Variants in TACR3 observed in about 807,000 individuals in gnomAD.
The protein encoded by TACR3 is tachykinin receptor 3, also known as neuromedin-K receptor.
A neutral mutation model predicts 35.0 loss-of-function variants in TACR3; 34 were observed. The ratio of observed to expected loss-of-function variants is 0.97; its 90% CI spans 0.74 to 1.30. The LOEUF (loss-of-function observed/expected upper bound fraction) is 1.30, where lower values mean the gene tolerates loss of function less well. TACR3 is among the 50% of genes most tolerant of loss of function. The pLI is 0.00. For missense variants in TACR3, 558 were observed against 591.7 expected (o/e 0.94, Z 0.59); for synonymous variants, 233 against 221.1 (o/e 1.05, Z -0.48).
rs527436704 is a variant in TACR3, at chr4:103,709,923, T to A, written c.548+9205A>T. On this transcript the variant is annotated intron_variant, in intron 1 of 4. Coordinates refer to ENST00000304883, the MANE Select transcript of TACR3 (RefSeq NM_001059.3). Reference sequence around the variant, plus strand: ...AAAAGTGACAAAGAAGGCCATTACATAATGGTAAAGGGATCAATTCAACAA... The same window carrying A: ...AAAAGTGACAAAGAAGGCCATTACAAAATGGTAAAGGGATCAATTCAACAA... Among the ~76,000 whole-genome samples, 24 of 152,264 alleles carry A rather than the reference T, an allele frequency of 1.6e-4. No individual in the cohort carries two copies. The South Asian group carries it at 4.8e-3, about 30-fold the overall frequency.
intron 1 of TACR3, among the ~76,000 whole-genome samples, chr4:103,711,384 AC>A (rs1453037298): frequency 6.6e-6 from 1 of 152,212 alleles, no homozygotes; most frequent in East Asian, 1.9e-4. Context: ...AGAACCAATG[AC>A]AAAAAGCACA....
chr4:103,710,663 G>C (rs149493416), intron 1 of TACR3, among the ~76,000 whole-genome samples: 6,157 of 152,116 alleles, frequency 0.04, 409 homozygotes, highest in African/African-American at 0.14. Flanking sequence ...GAAGGAGATA[G>C]AGACACAAAA....
chr4:103,654,380 A>T (rs150863310), intron 3 of TACR3, among the ~76,000 whole-genome samples: 15 of 148,972 alleles, frequency 1.0e-4, no homozygotes, highest in African/African-American at 2.8e-4. Flanking sequence ...AAAAATGATG[A>T]GTTCATGTCC....
intron 1 of TACR3, among the ~76,000 whole-genome samples, chr4:103,704,597 G>A (rs568139317): frequency 3.3e-5 from 5 of 152,246 alleles, no homozygotes; most frequent in South Asian, 2.1e-4. Flanking sequence ...CAGATCCCAC[G>A]AGAACTCACT....
At chr4:103,677,712 G>A (rs74514758) in intron 1 of TACR3, among the ~76,000 whole-genome samples, 23,410 of 152,014 alleles carry the variant, frequency 0.15, 2,358 homozygotes, top group East Asian at 0.43. Context: ...TTGGAGTGTG[G>A]AGGGTGGGAG....
At chr4:103,689,099 A>T (rs1196724233) in intron 1 of TACR3, among the ~76,000 whole-genome samples, 1 of 151,768 alleles carries the variant, frequency 6.6e-6, no homozygotes, top group Non-Finnish European at 1.5e-5. Context: ...TGTCCTTTGT[A>T]GGGACATGGA....
intron 2 of TACR3, among the ~76,000 whole-genome samples, chr4:103,657,827 A>G (rs1183320430): frequency 1.3e-5 from 2 of 152,132 alleles, no homozygotes; most frequent in African/African-American, 4.8e-5. Flanking sequence ...ATAACCTACT[A>G]GGGTGCTCCT....
At chr4:103,703,883 G>A (rs1186851574) in intron 1 of TACR3, among the ~76,000 whole-genome samples, 3 of 151,908 alleles carry the variant, frequency 2.0e-5, no homozygotes, top group South Asian at 2.1e-4. Flanking sequence ...GGCGGATCAC[G>A]AGGTCAGGAG....
chr4:103,649,665 A>G (rs888877249), intron 3 of TACR3, among the ~76,000 whole-genome samples: 1 of 151,848 alleles, frequency 6.6e-6, no homozygotes, highest in Non-Finnish European at 1.5e-5. Flanking sequence ...GTATTTTTCA[A>G]CTCCAGCAAT....
intron 1 of TACR3, 146 bp downstream of exon 1, chr4:103,718,982 G>T: frequency 9.0e-7 from 1 of 1,110,242 alleles, no homozygotes. Context: ...CTACAAATGG[G>T]TTAGTGTCCT....
intron 3 of TACR3, among the ~76,000 whole-genome samples, chr4:103,614,052 G>A (rs776295775): frequency 6.6e-6 from 1 of 152,102 alleles, no homozygotes; most frequent in Non-Finnish European, 1.5e-5. Context: ...CGGTTATAAT[G>A]GGTGTTATGG....
chr4:103,707,249 A>G (rs1553912666), intron 1 of TACR3, among the ~76,000 whole-genome samples: 1 of 152,198 alleles, frequency 6.6e-6, no homozygotes, highest in Non-Finnish European at 1.5e-5. Context: ...GAGAGTGTAA[A>G]CAATATTACT....
At chr4:103,623,931 G>T (rs1458956999) in intron 3 of TACR3, among the ~76,000 whole-genome samples, 1 of 152,060 alleles carries the variant, frequency 6.6e-6, no homozygotes, top group Non-Finnish European at 1.5e-5. Context: ...GTTCTCCAGG[G>T]TATTTTGTTT....
chr4:103,638,947 C>T (rs1240710331), intron 3 of TACR3, among the ~76,000 whole-genome samples: 2 of 152,102 alleles, frequency 1.3e-5, no homozygotes, highest in African/African-American at 2.4e-5. Flanking sequence ...ACTACAGGTG[C>T]TGGAGAGGAT....
chr4:103,701,638 G>T (rs1203511863), intron 1 of TACR3, among the ~76,000 whole-genome samples: 1 of 152,122 alleles, frequency 6.6e-6, no homozygotes, highest in Non-Finnish European at 1.5e-5. Context: ...CACACTACCT[G>T]ACTTCGAACT....
chr4:103,696,519 T>C (rs1435076183), intron 1 of TACR3, among the ~76,000 whole-genome samples: 1 of 152,242 alleles, frequency 6.6e-6, no homozygotes, highest in Non-Finnish European at 1.5e-5. Context: ...ATCGTTTCTA[T>C]GCTTTGACAA....
At chr4:103,629,862 A>AAC (rs1553969623) in intron 3 of TACR3, among the ~76,000 whole-genome samples, 1,276 of 111,434 alleles carry the variant, frequency 0.011, 45 homozygotes, top group African/African-American at 0.043. Flanking sequence ...AAAAAAAAAC[A>AAC]AAAAAAAAAC....
chr4:103,599,144 T>A (rs556776348), intron 3 of TACR3, among the ~76,000 whole-genome samples: 1 of 152,354 alleles, frequency 6.6e-6, no homozygotes, highest in Non-Finnish European at 1.5e-5. Context: ...CAGTGGTTTG[T>A]AGTTCTCCTT....
intron 3 of TACR3, among the ~76,000 whole-genome samples, chr4:103,603,542 T>C (rs1342118258): frequency 6.6e-6 from 1 of 152,254 alleles, no homozygotes; most frequent in African/African-American, 2.4e-5. Flanking sequence ...ATGGTGTATA[T>C]GTGCCATATT....
Sources: gnomAD v4.1 joint callset for allele counts (sites outside exome capture counted in the v4.1 genomes callset) on GRCh38, gnomAD v4.1.1 for gene constraint, MANE v1.5 for transcripts, NCBI Gene and HGNC (gene_info 2026-07-23, HGNC 2026-07-21) for gene names.